The following RSRC1 variants were observed in gnomAD, a reference collection of about 807,000 sequenced individuals.
RSRC1 encodes the protein serine/Arginine-related protein 53.
A neutral mutation model predicts 49.1 loss-of-function variants in RSRC1; 39 were observed. The observed-to-expected ratio is 0.79, with a 90% CI of 0.61 to 1.04. RSRC1 has a LOEUF of 1.04. Among genes scored for constraint, RSRC1 ranks in the 50% least tolerant of loss-of-function variants. RSRC1 has a pLI of 0.00. For missense variants in RSRC1, 388 were observed against 402.4 expected (o/e 0.96, Z 0.31); for synonymous variants, 143 against 130.8 (o/e 1.09, Z -0.63).
intron 5 of RSRC1, among the ~76,000 whole-genome samples, chr3:158,309,517 G>A (rs1340568415): frequency 6.6e-6 from 1 of 151,666 alleles, no homozygotes; most frequent in African/African-American, 2.4e-5. Context: ...ATGACAGAAG[G>A]CCAACTAGAA....
chr3:158,222,574 C>G (rs976168206), intron 4 of RSRC1, among the ~76,000 whole-genome samples: 3 of 151,376 alleles, frequency 2.0e-5, no homozygotes, highest in African/African-American at 4.8e-5. Flanking sequence ...GCTTTATGCC[C>G]CAATCAAATC....
At chr3:158,404,194 G>C (rs1377050421) in intron 6 of RSRC1, among the ~76,000 whole-genome samples, 1 of 151,806 alleles carries the variant, frequency 6.6e-6, no homozygotes, top group Non-Finnish European at 1.5e-5. Flanking sequence ...ATAAAATTGT[G>C]ATTGAAATGG....
intron 7 of RSRC1, among the ~76,000 whole-genome samples, chr3:158,491,066 T>TAAA (rs1739065704): frequency 6.6e-6 from 1 of 152,242 alleles, no homozygotes; most frequent in African/African-American, 2.4e-5. Flanking sequence ...TGCTTTTCAA[T>TAAA]AATTGTCTTT....
intron 3 of RSRC1, among the ~76,000 whole-genome samples, chr3:158,182,765 A>G (rs899039043): frequency 1.3e-5 from 2 of 152,178 alleles, no homozygotes; most frequent in African/African-American, 4.8e-5. Context: ...TTTAAATACT[A>G]TTCTTCTCTC....
At chr3:158,385,899 A>T (rs1732941717) in intron 6 of RSRC1, among the ~76,000 whole-genome samples, 1 of 152,180 alleles carries the variant, frequency 6.6e-6, no homozygotes. Context: ...AGAGCCCATT[A>T]GTCATTGTCG....
At chr3:158,239,730 A>AG (rs1230393063) in intron 4 of RSRC1, among the ~76,000 whole-genome samples, 1 of 152,154 alleles carries the variant, frequency 6.6e-6, no homozygotes, top group Non-Finnish European at 1.5e-5. Context: ...TTAAAAAAAA[A>AG]TGGTTCACCT....
At chr3:158,282,411 G>A (rs73166379) in intron 4 of RSRC1, among the ~76,000 whole-genome samples, 1,648 of 152,276 alleles carry the variant, frequency 0.011, 7 homozygotes, top group South Asian at 0.022. Context: ...AATGAATAAA[G>A]CCTACTAACT....
At chr3:158,110,807 C>T (rs1025827515) in intron 1 of RSRC1, among the ~76,000 whole-genome samples, 7 of 152,170 alleles carry the variant, frequency 4.6e-5, no homozygotes, top group African/African-American at 9.7e-5. Context: ...ACTATATATT[C>T]CTTTGACTTC....
At position 158,203,110 on chromosome 3, in the gene RSRC1, G is replaced by A. The variant is rs1721159622; in HGVS notation, c.359G>A (p.Ser120Asn). 2 of 1,613,576 alleles carry A rather than the reference G, an allele frequency of 1.2e-6. No homozygotes were observed. The highest frequency in any genetic ancestry group is 1.7e-6 in the Non-Finnish European group (2 of 1,179,766). Reference protein sequence around the residue: ...SRPRLRSHSRSSERSSHRRTR... With the variant: ...SRPRLRSHSRNSERSSHRRTR... The stretch of plus-strand genomic sequence containing the variant: ...CCTCGTCTCCGTTCTCATAGTCGTA[G>A]CAGTGAAAGGTCCAGTCACAGAAGA... Residue 120 changes from serine to asparagine, a missense_variant, in exon 4 of 10, where the codon AGC (serine) becomes AAC (asparagine). Coordinates refer to ENST00000611884, the MANE Select transcript of RSRC1 (RefSeq NM_001271838.2).
chr3:158,330,501 G>C (rs964334188), intron 5 of RSRC1, among the ~76,000 whole-genome samples: 22 of 152,052 alleles, frequency 1.4e-4, no homozygotes, highest in Non-Finnish European at 2.5e-4. Flanking sequence ...TTTTCTGGAT[G>C]GTAGGCAATT....
intron 3 of RSRC1, among the ~76,000 whole-genome samples, chr3:158,197,474 T>G (rs986047441): frequency 7.9e-5 from 12 of 152,222 alleles, no homozygotes; most frequent in Admixed American, 6.5e-4. Flanking sequence ...ATTGATTTTT[T>G]GAAGGGATTT....
chr3:158,435,028 G>GT (rs1453362784), intron 6 of RSRC1, among the ~76,000 whole-genome samples: 1 of 151,776 alleles, frequency 6.6e-6, no homozygotes, highest in Non-Finnish European at 1.5e-5. Flanking sequence ...ATTTAATGAG[G>GT]TTTTCTTTTA....
chr3:158,191,376 C>T (rs1317289941), intron 3 of RSRC1, among the ~76,000 whole-genome samples: 1 of 151,992 alleles, frequency 6.6e-6, no homozygotes, highest in Admixed American at 6.6e-5. Context: ...ATAGATAGGA[C>T]TTAACTGAAT....
chr3:158,272,755 A>G (rs1323939695), intron 4 of RSRC1, among the ~76,000 whole-genome samples: 1 of 152,078 alleles, frequency 6.6e-6, no homozygotes, highest in East Asian at 1.9e-4. Context: ...TTCCCTTGAT[A>G]ACTATTGATG....
intron 4 of RSRC1, among the ~76,000 whole-genome samples, chr3:158,257,093 G>T (rs1337921579): frequency 3.3e-5 from 5 of 152,038 alleles, no homozygotes; most frequent in African/African-American, 1.2e-4. Context: ...TCTGATCTTA[G>T]TTATTTCTTG....
intron 6 of RSRC1, among the ~76,000 whole-genome samples, chr3:158,432,977 G>GCCCC (rs1330506249): frequency 5.3e-5 from 8 of 151,874 alleles, no homozygotes; most frequent in African/African-American, 1.9e-4. Context: ...TTCATGTGAT[G>GCCCC]CTTCGTAAGT....
intron 3 of RSRC1, among the ~76,000 whole-genome samples, chr3:158,178,651 A>G (rs1245814151): frequency 6.6e-6 from 1 of 152,008 alleles, no homozygotes; most frequent in Non-Finnish European, 1.5e-5. Flanking sequence ...TTATTTTTCT[A>G]TATGAATTCT....
chr3:158,118,011 A>G (rs1714957077), intron 1 of RSRC1, among the ~76,000 whole-genome samples: 1 of 151,868 alleles, frequency 6.6e-6, no homozygotes. Context: ...ATGCAGTGGC[A>G]CAATGTTGGC....
chr3:158,443,766 A>C (rs1420626314), intron 6 of RSRC1, among the ~76,000 whole-genome samples: 1 of 152,156 alleles, frequency 6.6e-6, no homozygotes, highest in Non-Finnish European at 1.5e-5. Context: ...AGCTTTTGAC[A>C]TGCGTTCTCA....
Sources: allele counts gnomAD v4.1 joint callset (sites outside exome capture counted in the v4.1 genomes callset), GRCh38; gene constraint gnomAD v4.1.1; transcripts MANE v1.5; gene names NCBI Gene and HGNC (gene_info 2026-07-23, HGNC 2026-07-21).